TMEM260: variants seen among roughly 807,000 people sequenced by gnomAD.
TMEM260 encodes transmembrane protein 260.
A neutral mutation model predicts 88.9 loss-of-function variants in TMEM260; 82 were observed. That is an observed-to-expected ratio of 0.92 (90% confidence interval 0.77 to 1.11). The LOEUF is 1.11. Ranked by LOEUF, TMEM260 falls within the 50% of genes least tolerant of loss-of-function variation. TMEM260 has a pLI of 0.00. For missense variants in TMEM260, 902 were observed against 853.4 expected (o/e 1.06, Z -0.71); for synonymous variants, 314 against 309.3 (o/e 1.02, Z -0.16).
intron 3 of TMEM260, among the ~76,000 whole-genome samples, chr14:56,596,796 T>C (rs202083672): frequency 1.9e-5 from 1 of 53,040 alleles, no homozygotes; most frequent in African/African-American, 5.5e-5. Context: ...AAAAAAAAAA[T>C]ATATATATAT....
At chr14:56,632,506 C>T (rs1888689042) in intron 12 of TMEM260, among the ~76,000 whole-genome samples, 1 of 152,240 alleles carries the variant, frequency 6.6e-6, no homozygotes, top group Admixed American at 6.5e-5. Context: ...ATTCCCTCCA[C>T]TCTCTTCAAA....
intron 4 of TMEM260, 149 bp from the exon 5 acceptor site, chr14:56,605,421 A>T: frequency 2.4e-6 from 1 of 417,624 alleles, no homozygotes; most frequent in Non-Finnish European, 4.2e-6. Flanking sequence ...AATATGAATG[A>T]TTATTAAAAT....
intron 3 of TMEM260, among the ~76,000 whole-genome samples, chr14:56,600,459 G>C (rs1886507657): frequency 6.6e-6 from 1 of 152,082 alleles, no homozygotes; most frequent in South Asian, 2.1e-4. Context: ...AATGAAGTCG[G>C]AAAGAACTCT....
Position 56,612,345 on chromosome 14 carries a change from A to G in TMEM260, c.857+60A>G. 4.9e-6 allele frequency: 7 copies of G among 1,415,378 alleles called. No homozygotes were observed. In the South Asian group the frequency reaches 8.1e-5, roughly 16 times the overall value. 87.7% of individuals were successfully genotyped at this position (1,415,378 alleles called of 1,614,324 possible). ...AATTCTCTATTAGTTCCTTTAAGTG[A>G]TTTTAGGGATTTCTGAGTTCATCTC... On this transcript the variant is annotated intron_variant, in intron 7 of 15. Transcript: ENST00000261556.
Position 56,585,989 on chromosome 14 carries a change from A to T in TMEM260, c.344+77A>T, listed in dbSNP as rs1489561896. 4.1e-6 allele frequency: 6 copies of T among 1,451,038 alleles called. No homozygotes were observed. The African/African-American group carries it at 5.7e-5, about 14-fold the overall frequency. The allele number at this position is 1,451,038 out of a possible 1,614,324, so 89.9% of individuals were successfully genotyped here. Reference sequence around the variant, plus strand: ...TTCTTATGGCTCAAGTACATACATTAAAAAAATCTTTTGTTGCTTGGTTTC... The same window carrying T: ...TTCTTATGGCTCAAGTACATACATTTAAAAAATCTTTTGTTGCTTGGTTTC... On this transcript the variant is annotated intron_variant, in intron 3 of 15. Transcript: ENST00000261556.
In TMEM260 at chr14:56,607,712, G is replaced by A. The variant is rs537819285; in HGVS notation, c.637-1394G>A. Among the ~76,000 whole-genome samples the A allele has an allele frequency of 1.4e-4, 21 of 152,026 alleles. No homozygotes were observed. In the South Asian group the frequency reaches 2.3e-3, roughly 17 times the overall value. ...TATATACATAGGGACGTGTGTGTGT[G>A]TATATATATATGTATTTATTTATGC... On this transcript the variant is annotated intron_variant, in intron 5 of 15. Transcript: ENST00000261556.
chr14:56,598,946 T>C (rs541260069), intron 3 of TMEM260, among the ~76,000 whole-genome samples: 4 of 152,338 alleles, frequency 2.6e-5, no homozygotes, highest in Admixed American at 6.5e-5. Flanking sequence ...CTCTGTTCCA[T>C]CATTGGCTGC....
Position 56,648,178 on chromosome 14 carries a change from T to C in TMEM260, c.*681T>C, listed in dbSNP as rs1370887709. 2 of 152,126 alleles carry C rather than the reference T, an allele frequency of 1.3e-5. No homozygotes were observed. Among genetic ancestry groups the C allele is most frequent in the African/African-American group, 4.8e-5 (2 of 41,418 alleles). The allele number at this position is 152,126 out of a possible 1,614,324, so 9.4% of individuals were successfully genotyped here. A position where few individuals can be genotyped will look rare whatever the true frequency, so the allele number is the denominator to read the frequency against. Reference sequence around the variant, plus strand: ...ATTTACTTAATTAATTTTATATTTATGTTTTATTTCTATTTGGACTCAGAG... The same window carrying C: ...ATTTACTTAATTAATTTTATATTTACGTTTTATTTCTATTTGGACTCAGAG... On this transcript the variant is annotated 3_prime_UTR_variant, in exon 16 of 16. Transcript: ENST00000261556.
chr14:56,584,899 C>A, intron 1 of TMEM260, 102 bp from the exon 2 acceptor site: 1 of 887,990 alleles, frequency 1.1e-6, no homozygotes, highest in South Asian at 1.5e-5. Context: ...TTTATCCAGT[C>A]AAATTAATGC....
chr14:56,651,945 GA>G (rs1183987696), downstream of TMEM260, among the ~76,000 whole-genome samples: 2 of 152,312 alleles, frequency 1.3e-5, no homozygotes, highest in South Asian at 2.1e-4. Context: ...AGTGTTATCT[GA>G]AAGGGTATTT....
At chr14:56,628,213 A>G (rs1888356913) in intron 12 of TMEM260, among the ~76,000 whole-genome samples, 1 of 152,330 alleles carries the variant, frequency 6.6e-6, no homozygotes, top group Non-Finnish European at 1.5e-5. Context: ...TGCTATAAAC[A>G]TTCATAAACA....
rs773725744 is a variant in TMEM260, at chr14:56,609,169, G to A, written c.700G>A (p.Val234Ile). The A allele has an allele frequency of 1.2e-5, 19 of 1,614,008 alleles. No homozygotes were observed. The South Asian group carries it at 2.1e-4, about 18-fold the overall frequency. The change falls in exon 6 of 16, where the codon GTC becomes ATC. Residue 234 changes from valine to isoleucine, a missense_variant. Val to Ile is a conservative substitution (Grantham distance 29). Coordinates refer to ENST00000261556, the MANE Select transcript of TMEM260 (RefSeq NM_017799.4). ...CTTCTCTGCTGGTTTGCTGCCCTAT[G>A]TCCACCTTCCCATCTCATCTTACCT... is the stretch of plus-strand genomic sequence containing the variant. ...LYFSAGLLPY[V>I]HLPISSYLNH... is the part of the protein sequence containing the mutation.
At chr14:56,640,649 A>C (rs2139647368) in intron 15 of TMEM260, among the ~76,000 whole-genome samples, 1 of 152,356 alleles carries the variant, frequency 6.6e-6, no homozygotes, top group East Asian at 1.9e-4. Flanking sequence ...ACAGAGAATG[A>C]CTTTGACGAG....
intron 3 of TMEM260, among the ~76,000 whole-genome samples, chr14:56,599,977 G>A (rs1886470806): frequency 6.6e-6 from 1 of 152,160 alleles, no homozygotes; most frequent in Non-Finnish European, 1.5e-5. Flanking sequence ...AAGAGATGAT[G>A]ATTAGTCAGA....
At chr14:56,579,705 G>C, upstream of TMEM260, 1 of 404,810 alleles carries the variant, frequency 2.5e-6, no homozygotes, top group Non-Finnish European at 4.3e-6. Context: ...GTGCACTGCG[G>C]GAAAACTCGC....
chr14:56,580,090 G>T lies in TMEM260; in HGVS notation c.160+16G>T. The T allele has an allele frequency of 8.0e-7, 1 of 1,250,064 alleles. No individual in the cohort carries two copies. The highest frequency in any genetic ancestry group is 1.0e-6 in the Non-Finnish European group (1 of 989,364). 77.4% of individuals were successfully genotyped at this position (1,250,064 alleles called of 1,614,324 possible). On this transcript the variant is annotated intron_variant, in intron 1 of 15. Coordinates refer to ENST00000261556, the MANE Select transcript of TMEM260 (RefSeq NM_017799.4). ...GGAGACTCCGGTAAAGTACTCGCAG[G>T]GTTGCCCCTTCTGTCCCTCTCCCCT...
chr14:56,588,460 C>A (rs1447794051), intron 3 of TMEM260, among the ~76,000 whole-genome samples: 1 of 151,892 alleles, frequency 6.6e-6, no homozygotes, highest in Admixed American at 6.6e-5. Context: ...GATTGAAAGA[C>A]CAATTTATTC....
chr14:56,596,706 T>G (rs943443602), intron 3 of TMEM260, among the ~76,000 whole-genome samples: 5 of 145,272 alleles, frequency 3.4e-5, no homozygotes, highest in Non-Finnish European at 6.0e-5. Flanking sequence ...GAGGTTGTGG[T>G]GAGCCGAGAT....
Position 56,617,167 on chromosome 14 carries a change from T to C in TMEM260, c.942-16T>C. 1 of 1,444,972 alleles carries C rather than the reference T, an allele frequency of 6.9e-7. No homozygotes were observed. Among genetic ancestry groups the C allele is most frequent in the Non-Finnish European group, 9.5e-7 (1 of 1,056,958 alleles). The allele number at this position is 1,444,972 out of a possible 1,614,324, so 89.5% of individuals were successfully genotyped here. On this transcript the variant is annotated splice_polypyrimidine_tract_variant and intron_variant, in intron 8 of 15. Transcript: ENST00000261556. The stretch of plus-strand genomic sequence containing the variant: ...GTATCTAAATATTTTAGACATATTT[T>C]TATTATTTTTTGTAGGGACAGACAG...
Sources: allele counts gnomAD v4.1 joint callset (sites outside exome capture counted in the v4.1 genomes callset), GRCh38; gene constraint gnomAD v4.1.1; transcripts MANE v1.5; gene names NCBI Gene and HGNC (gene_info 2026-07-23, HGNC 2026-07-21).